The following NYNRIN variants were observed in gnomAD, a reference collection of about 807,000 sequenced individuals.
NYNRIN encodes protein NYNRIN.
Under a neutral mutation model 146.6 loss-of-function variants are expected in NYNRIN, and 86 were observed. The observed-to-expected ratio is 0.59, with a 90% CI of 0.49 to 0.70. The LOEUF (loss-of-function observed/expected upper bound fraction) is 0.70, where lower values mean the gene tolerates loss of function less well. Ranked by LOEUF, NYNRIN falls within the 30% of genes least tolerant of loss-of-function variation. The pLI is 0.00. For synonymous variants in NYNRIN, 1,027 were observed against 1,001.3 expected (o/e 1.03, Z -0.48); for missense variants, 2,191 against 2,377.7 (o/e 0.92, Z 1.63).
intron 2 of NYNRIN, among the ~76,000 whole-genome samples, chr14:24,401,019 C>T (rs866641197): frequency 9.2e-5 from 14 of 152,284 alleles, no homozygotes; most frequent in Middle Eastern, 3.4e-3. Context: ...GAACTCCTGG[C>T]CTCAGGTGAT....
chr14:24,407,754 T>G (rs1039635470), intron 2 of NYNRIN, 115 bp from the exon 3 acceptor site: 14 of 888,254 alleles, frequency 1.6e-5, no homozygotes, highest in African/African-American at 6.9e-5. Flanking sequence ...GGATGGGGGG[T>G]GGTAGTGGTG....
In NYNRIN at chr14:24,417,419, G is replaced by T; in HGVS notation, c.5670G>T (p.Pro1890=). 6.6e-7 allele frequency: 1 copy of T among 1,525,650 alleles called. No individual in the cohort carries two copies. Among genetic ancestry groups the T allele is most frequent in the Non-Finnish European group, 8.8e-7 (1 of 1,134,286 alleles). The allele number at this position is 1,525,650 out of a possible 1,614,324, so 94.5% of individuals were successfully genotyped here. A position where few individuals can be genotyped will look rare whatever the true frequency, so the allele number is the denominator to read the frequency against. Residue 1890 remains proline, a synonymous_variant, in exon 9 of 9, where the codon CCG becomes CCT. Transcript: ENST00000382554. ...AGGCCTTTGCCAAGAGTGGCACCCCGCTGTCCTTCAAGGTCTTGGAGCAGT... is the reference window on the plus strand; with the variant it reads ...AGGCCTTTGCCAAGAGTGGCACCCCTCTGTCCTTCAAGGTCTTGGAGCAGT... ...LMKAFAKSGT[P]LSFKVLEQ is the part of the protein sequence containing the mutation.
rs756558357 is a variant in NYNRIN, at chr14:24,399,426, G to A, written c.180G>A (p.Glu60=). The part of the protein sequence containing the change: ...YFWLQLEGPR[E]NMGKAKEYLK... ...GGCTACAGCTCGAGGGGCCCCGAGA[G>A]AACATGGGCAAAGCCAAGGTAAACA... is the stretch of plus-strand genomic sequence containing the variant. Residue 60 remains glutamate, a synonymous_variant, in exon 2 of 9, where the codon GAG becomes GAA. Transcript: ENST00000382554. 12 of 1,612,536 alleles carry A rather than the reference G, an allele frequency of 7.4e-6. No individual in the cohort carries two copies. Among genetic ancestry groups the A allele is most frequent in the Non-Finnish European group, 1.0e-5 (12 of 1,179,260 alleles).
chr14:24,416,902 C>T lies in NYNRIN; in HGVS notation c.5153C>T (p.Ala1718Val), dbSNP rs1566488651. The T allele has an allele frequency of 1.2e-6, 2 of 1,604,264 alleles. No individual in the cohort carries two copies. The highest frequency in any genetic ancestry group is 1.7e-5 in the Admixed American group (1 of 59,110). ...LQFPCLTSSGAYWEFKRALKE... is the reference protein window; with the variant it reads ...LQFPCLTSSGVYWEFKRALKE... ...TTCCCCTGCCTGACGAGCTCAGGGG[C>T]CTACTGGGAATTCAAGAGGGCCCTC... is the stretch of plus-strand genomic sequence containing the variant. The change falls in exon 9 of 9, where the codon GCC (alanine) becomes GTC (valine). Residue 1718 changes from alanine (A) to valine (V), a missense_variant. Around this residue, in one of 3 missense-constraint regions of NYNRIN, gnomAD observed 1,291 missense variants for 1,417.0 expected, o/e 0.91. Coordinates refer to ENST00000382554, the MANE Select transcript of NYNRIN (RefSeq NM_025081.3).
chr14:24,416,166 G>A lies in NYNRIN; in HGVS notation c.4417G>A (p.Gly1473Ser), dbSNP rs2042943890. The A allele has an allele frequency of 1.9e-6, 3 of 1,613,950 alleles. No homozygotes were observed. Among genetic ancestry groups the A allele is most frequent in the Non-Finnish European group, 1.7e-6 (2 of 1,179,878 alleles). ...CCCTACAGTGAGTCCCCATGCCATG[G>A]GCAAGAGGCCCAATTTGCTGGCATT... ...PAPTVSPHAM[G>S]KRPNLLALQL... The change falls in exon 9 of 9, where the codon GGC becomes AGC. Residue 1473 changes from glycine (G) to serine (S), a missense_variant. By Grantham distance (56) the Gly-to-Ser change is moderately conservative. Around this residue, in one of 3 missense-constraint regions of NYNRIN, gnomAD observed 1,291 missense variants for 1,417.0 expected, o/e 0.91. Transcript: ENST00000382554.
Position 24,416,039 on chromosome 14 carries a change from C to T in NYNRIN, c.4290C>T (p.Thr1430=), listed in dbSNP as rs1566488063. Reference sequence around the variant, plus strand: ...CATCCCTTCCGTTTATCTACCGAACCTCCTACCGGGGCTCTCTGTTTGCTG... The same window carrying T: ...CATCCCTTCCGTTTATCTACCGAACTTCCTACCGGGGCTCTCTGTTTGCTG... ...GLSSLPFIYR[T]SYRGSLFAVT... is the part of the protein sequence containing the mutation. Residue 1430 remains threonine, a synonymous_variant, in exon 9 of 9, where the codon ACC becomes ACT. Transcript: ENST00000382554. 1 of 1,614,034 alleles carries T rather than the reference C, an allele frequency of 6.2e-7. No individual in the cohort carries two copies. The highest frequency in any genetic ancestry group is 8.5e-7 in the Non-Finnish European group (1 of 1,179,890).
In NYNRIN at chr14:24,410,865, GCA is replaced by G. The variant is rs148834854; in HGVS notation, c.2415-196_2415-195del. Among the ~76,000 whole-genome samples, 413 of 151,472 alleles carry G rather than the reference GCA, an allele frequency of 2.7e-3. 1 individual carries two copies. The highest frequency in any genetic ancestry group is 5.0e-3 in the Non-Finnish European group (336 of 67,700). On this transcript the variant is annotated intron_variant, in intron 4 of 8. Transcript: ENST00000382554. ...CACACATGCGTACACACAGGTACAT[GCA>G]CACACACACACACATGCACGCGCAC...
chr14:24,402,549 A>G (rs532736044), intron 2 of NYNRIN, among the ~76,000 whole-genome samples: 2 of 152,300 alleles, frequency 1.3e-5, no homozygotes, highest in South Asian at 2.1e-4. Flanking sequence ...TTTGCTGCAC[A>G]CTAACTGTGA....
Position 24,407,895 on chromosome 14 carries a change from A to G in NYNRIN, c.225A>G (p.Pro75=). 5 of 1,613,266 alleles carry G rather than the reference A, an allele frequency of 3.1e-6. No individual in the cohort carries two copies. The highest frequency in any genetic ancestry group is 4.2e-6 in the Non-Finnish European group (5 of 1,179,436). ...AKEYLKGLCS[P]ELWKEVRYPP... is the part of the protein sequence containing the mutation. ...AATACCTGAAGGGCCTGTGCAGCCC[A>G]GAGCTGTGGAAAGAGGTTCGCTACC... The change falls in exon 3 of 9, where the codon CCA becomes CCG. Residue 75 remains proline, a synonymous_variant. Coordinates refer to ENST00000382554, the MANE Select transcript of NYNRIN (RefSeq NM_025081.3).
At position 24,411,349 on chromosome 14, in the gene NYNRIN, C is replaced by G; in HGVS notation, c.2546-5C>G. ...CCATTTCTGTCTTCTGCCTTTCACCCCCAGAGAGCCACTTTCTGACGAAGC... is the reference window on the plus strand; with the variant it reads ...CCATTTCTGTCTTCTGCCTTTCACCGCCAGAGAGCCACTTTCTGACGAAGC... On this transcript the variant is annotated splice_region_variant and splice_polypyrimidine_tract_variant and intron_variant, in intron 5 of 8. Coordinates refer to ENST00000382554, the MANE Select transcript of NYNRIN (RefSeq NM_025081.3). The surrounding 1 kb of genome is among the most constrained non-coding windows in gnomAD (Gnocchi z 4.3). The G allele has an allele frequency of 6.2e-7, 1 of 1,613,938 alleles. No homozygotes were observed. Among genetic ancestry groups the G allele is most frequent in the African/African-American group, 1.3e-5 (1 of 75,048 alleles).
rs755010761 is a variant in NYNRIN at position 24,413,118 on chromosome 14, C to T, written c.2744+20C>T. On this transcript the variant is annotated intron_variant, in intron 7 of 8. Coordinates refer to ENST00000382554, the MANE Select transcript of NYNRIN (RefSeq NM_025081.3). Reference sequence around the variant, plus strand: ...AGATCGGTAAGATGGTCCCCAGAGGCTTGAGCCATTCCTTCCCCTTGGATG... The same window carrying T: ...AGATCGGTAAGATGGTCCCCAGAGGTTTGAGCCATTCCTTCCCCTTGGATG... 2.6e-6 allele frequency: 4 copies of T among 1,529,332 alleles called. No homozygotes were observed. The Admixed American group carries it at 7.6e-5, about 29-fold the overall frequency. 94.7% of individuals were successfully genotyped at this position (1,529,332 alleles called of 1,614,324 possible). A position where few individuals can be genotyped will look rare whatever the true frequency, so the allele number is the denominator to read the frequency against.
At position 24,417,508 on chromosome 14, in the gene NYNRIN, C is replaced by A. The variant is rs1594744618; in HGVS notation, c.*62C>A. ...TGGGTTTCTGCTGCTAGGCCTCCCC[C>A]TGTCCCAGCAGTGCTCTCAGTCCAC... On this transcript the variant is annotated 3_prime_UTR_variant, in exon 9 of 9. Coordinates refer to ENST00000382554, the MANE Select transcript of NYNRIN (RefSeq NM_025081.3). 2 of 1,431,714 alleles carry A rather than the reference C, an allele frequency of 1.4e-6. No individual in the cohort carries two copies. The highest frequency in any genetic ancestry group is 1.8e-6 in the Non-Finnish European group (2 of 1,097,706). 88.7% of individuals were successfully genotyped at this position (1,431,714 alleles called of 1,614,324 possible). A position where few individuals can be genotyped will look rare whatever the true frequency, so the allele number is the denominator to read the frequency against.
At chr14:24,413,540 T>TC in intron 8 of NYNRIN, 123 bp downstream of exon 8, 1 of 636,492 alleles carries the variant, frequency 1.6e-6, no homozygotes, top group Non-Finnish European at 2.7e-6. Context: ...TTCATGTCTT[T>TC]ATACTTGTGC....
chr14:24,408,997 G>T lies in NYNRIN; in HGVS notation c.1203G>T (p.Gln401His). The change falls in exon 4 of 9, where the codon CAG (glutamine) becomes CAT (histidine). Residue 401 changes from glutamine to histidine, a missense_variant. Around this residue, in one of 3 missense-constraint regions of NYNRIN, gnomAD observed 895 missense variants for 941.2 expected, o/e 0.95. Transcript: ENST00000382554. ...PFWQRPLGPIQLKLPGQNPLP... is the reference protein window; with the variant it reads ...PFWQRPLGPIHLKLPGQNPLP... ...GGCAGAGACCTCTGGGCCCCATTCA[G>T]TTGAAGCTGCCAGGGCAGAATCCTT... 6.2e-7 allele frequency: 1 copy of T among 1,613,736 alleles called. No homozygotes were observed. The highest frequency in any genetic ancestry group is 1.3e-5 in the African/African-American group (1 of 75,062).
At chr14:24,408,579 A>G in intron 3 of NYNRIN, 52 bp downstream of exon 3, 2 of 1,535,650 alleles carry the variant, frequency 1.3e-6, no homozygotes, top group Non-Finnish European at 1.7e-6. Context: ...CTGCTCCCCT[A>G]CCCTAAGGAA....
At position 24,416,415 on chromosome 14, in the gene NYNRIN, C is replaced by T; in HGVS notation, c.4666C>T (p.His1556Tyr). The change falls in exon 9 of 9, where the codon CAC becomes TAC. Residue 1556 changes from histidine to tyrosine, a missense_variant. By Grantham distance (83) the His-to-Tyr change is moderately conservative. Coordinates refer to ENST00000382554, the MANE Select transcript of NYNRIN (RefSeq NM_025081.3). ...TGTGCATGACATTCCCTTGGGGGCC[C>T]ACCAGAGGCCCGAAGAGACCTACAA... Reference protein sequence around the residue: ...FSVHDIPLGAHQRPEETYKKL... With the variant: ...FSVHDIPLGAYQRPEETYKKL... The T allele has an allele frequency of 6.2e-7, 1 of 1,612,956 alleles. No homozygotes were observed. Among genetic ancestry groups the T allele is most frequent in the Non-Finnish European group, 8.5e-7 (1 of 1,179,396 alleles).
At chr14:24,399,514 ATGG>A in intron 2 of NYNRIN, 70 bp downstream of exon 2, 1 of 1,389,212 alleles carries the variant, frequency 7.2e-7, no homozygotes, top group Admixed American at 2.3e-5. Flanking sequence ...CCCTGGGGAG[ATGG>A]TGGTCCGCAG....
rs775248149 is a variant in NYNRIN at position 24,415,839 on chromosome 14, C to T, written c.4090C>T (p.Arg1364Cys). The T allele has an allele frequency of 5.9e-5, 96 of 1,613,860 alleles. No individual in the cohort carries two copies. The highest frequency in any genetic ancestry group is 1.6e-4 in the Middle Eastern group (1 of 6,084). Reference protein sequence around the residue: ...HLAAVACGLERFGQSPLPVVF... With the variant: ...HLAAVACGLECFGQSPLPVVF... ...GGCAGCCGTGGCCTGCGGCCTGGAG[C>T]GCTTTGGCCAGTCCCCACTCCCAGT... Residue 1364 changes from arginine (R) to cysteine (C), a missense_variant, in exon 9 of 9, where the codon CGC becomes TGC. Arg to Cys is a radical substitution (Grantham distance 180). Around this residue, in one of 3 missense-constraint regions of NYNRIN, gnomAD observed 1,291 missense variants for 1,417.0 expected, o/e 0.91. Transcript: ENST00000382554.
chr14:24,399,513 G>T (rs1594735818), intron 2 of NYNRIN, 69 bp downstream of exon 2: 5 of 1,405,488 alleles, frequency 3.6e-6, no homozygotes, highest in Non-Finnish European at 4.8e-6. Flanking sequence ...CCCCTGGGGA[G>T]ATGGTGGTCC....
Sources: gnomAD v4.1 joint callset for allele counts (sites outside exome capture counted in the v4.1 genomes callset) on GRCh38, gnomAD v4.1.1 for gene constraint, gnomAD v4.1.1 regional missense constraint, Gnocchi (gnomAD v3.1) non-coding constraint, MANE v1.5 for transcripts, NCBI Gene and HGNC (gene_info 2026-07-23, HGNC 2026-07-21) for gene names.